Variants in HCN1 observed in about 807,000 individuals in gnomAD.
HCN1 encodes the protein potassium/sodium hyperpolarization-activated cyclic nucleotide-gated channel 1.
In HCN1, 13 loss-of-function variants were observed where a neutral mutation model predicts 78.9. That is an observed-to-expected ratio of 0.16 (90% CI 0.11 to 0.26). The LOEUF is 0.26. Ranked by LOEUF, HCN1 falls within the 10% of genes least tolerant of loss-of-function variation. The pLI is 1.00. For synonymous variants in HCN1, 552 were observed against 455.5 expected, an observed-to-expected ratio of 1.21 and a Z score of -2.70; for missense variants, 810 against 1,154.3, an observed-to-expected ratio of 0.70 and a Z score of 4.32.
At chr5:45,338,836 T>A (rs1198534935) in intron 5 of HCN1, among the ~76,000 whole-genome samples, 1 of 152,168 alleles carries the variant, frequency 6.6e-6, no homozygotes, top group East Asian at 1.9e-4. Flanking sequence ...CAGGTCTGGG[T>A]TTTTAGACTC....
intron 5 of HCN1, among the ~76,000 whole-genome samples, chr5:45,337,930 G>A (rs989487233): frequency 6.6e-6 from 1 of 152,086 alleles, no homozygotes; most frequent in African/African-American, 2.4e-5. Context: ...TGCCACAAAA[G>A]TGAAAATAGG....
At chr5:45,348,858 C>A (rs896691793) in intron 5 of HCN1, among the ~76,000 whole-genome samples, 11 of 152,108 alleles carry the variant, frequency 7.2e-5, no homozygotes, top group African/African-American at 2.7e-4. Flanking sequence ...TACAGGAGCA[C>A]CCAGATTCAT....
intron 5 of HCN1, among the ~76,000 whole-genome samples, chr5:45,319,230 G>T (rs766961586): frequency 1.3e-5 from 2 of 151,794 alleles, no homozygotes; most frequent in Non-Finnish European, 2.9e-5. Context: ...GGAATTTCTG[G>T]GTAATAGAAT....
chr5:45,679,466 T>C (rs1171995265), intron 1 of HCN1, among the ~76,000 whole-genome samples: 1 of 152,016 alleles, frequency 6.6e-6, no homozygotes, highest in African/African-American at 2.4e-5. Context: ...GCTAAATAAA[T>C]GTAAAAATAA....
At chr5:45,547,240 G>T (rs1362836473) in intron 2 of HCN1, among the ~76,000 whole-genome samples, 1 of 151,842 alleles carries the variant, frequency 6.6e-6, no homozygotes, top group African/African-American at 2.4e-5. Flanking sequence ...AAGAAGTAAA[G>T]AAAAGGAGGC....
At chr5:45,337,062 T>C (rs544061421) in intron 5 of HCN1, among the ~76,000 whole-genome samples, 58 of 152,158 alleles carry the variant, frequency 3.8e-4, no homozygotes, top group African/African-American at 1.3e-3. Flanking sequence ...ATTCCATGAA[T>C]GTGATTGGGT....
intron 2 of HCN1, among the ~76,000 whole-genome samples, chr5:45,625,630 A>G (rs1185018476): frequency 6.6e-6 from 1 of 152,140 alleles, no homozygotes; most frequent in East Asian, 1.9e-4. Context: ...TTTAAAAAAA[A>G]GAAAGAAAAC....
intron 2 of HCN1, 118 bp from the exon 3 acceptor site, chr5:45,462,125 G>A (rs1167722128): frequency 1.4e-5 from 11 of 763,668 alleles, no homozygotes; most frequent in Admixed American, 2.5e-5. Flanking sequence ...AAAAATATGG[G>A]AATAACTTGC....
intron 4 of HCN1, among the ~76,000 whole-genome samples, chr5:45,388,160 C>T (rs968629580): frequency 6.6e-6 from 1 of 152,050 alleles, no homozygotes. Context: ...TATGAACTTC[C>T]TAAGAAATTC....
At chr5:45,325,927 C>T (rs1414328148) in intron 5 of HCN1, among the ~76,000 whole-genome samples, 1 of 151,230 alleles carries the variant, frequency 6.6e-6, no homozygotes, top group African/African-American at 2.4e-5. Context: ...TATTAAATTA[C>T]AGGGGTAAAA....
intron 2 of HCN1, among the ~76,000 whole-genome samples, chr5:45,462,648 T>G (rs1290923518): frequency 6.6e-6 from 1 of 152,120 alleles, no homozygotes; most frequent in Non-Finnish European, 1.5e-5. Flanking sequence ...TTTGTATTTT[T>G]ATGGTACAGG....
intron 2 of HCN1, among the ~76,000 whole-genome samples, chr5:45,475,059 A>T (rs1183086401): frequency 6.6e-6 from 1 of 152,016 alleles, no homozygotes. Flanking sequence ...TTTGCTGTCA[A>T]TTCTCATAGA....
intron 2 of HCN1, among the ~76,000 whole-genome samples, chr5:45,489,997 C>A (rs1340267496): frequency 6.6e-6 from 1 of 152,128 alleles, no homozygotes; most frequent in African/African-American, 2.4e-5. Context: ...TCAAATTTTA[C>A]TGGGCATTCT....
At chr5:45,532,532 A>G (rs1742879879) in intron 2 of HCN1, among the ~76,000 whole-genome samples, 1 of 152,230 alleles carries the variant, frequency 6.6e-6, no homozygotes, top group South Asian at 2.1e-4. Context: ...AATTATAATT[A>G]TGGAGCATGG....
rs535061974 is a variant in HCN1, at chr5:45,399,564, C to A, written c.1012-2854G>T. 1.7e-3 allele frequency among the ~76,000 whole-genome samples: 260 copies of A among 152,238 alleles called. 2 individuals carry two copies. Among genetic ancestry groups the A allele is most frequent in the African/African-American group, 6.0e-3 (250 of 41,542 alleles). ...AAATTAACTCTTAAATTATCATAAACTTTTCAAGCTATTTTATTTTGAATA... is the reference window on the plus strand; with the variant it reads ...AAATTAACTCTTAAATTATCATAAAATTTTCAAGCTATTTTATTTTGAATA... On this transcript the variant is annotated intron_variant, in intron 3 of 7. Transcript: ENST00000303230.
chr5:45,280,408 T>C (rs1265770054), intron 6 of HCN1, among the ~76,000 whole-genome samples: 2 of 152,188 alleles, frequency 1.3e-5, no homozygotes, highest in African/African-American at 4.8e-5. Context: ...TGTTCCAATA[T>C]ATAAAACTGA....
intron 3 of HCN1, among the ~76,000 whole-genome samples, chr5:45,417,680 T>A (rs182019039): frequency 3.6e-4 from 51 of 141,852 alleles, no homozygotes; most frequent in Non-Finnish European, 3.6e-4. Flanking sequence ...ATGATCAATT[T>A]AATTTAGCCA....
At chr5:45,484,774 T>C (rs950408523) in intron 2 of HCN1, among the ~76,000 whole-genome samples, 4 of 152,172 alleles carry the variant, frequency 2.6e-5, no homozygotes, top group Admixed American at 1.3e-4. Context: ...ATACTTTTAT[T>C]AAGTTATTAA....
At chr5:45,426,025 T>C (rs1011226452) in intron 3 of HCN1, among the ~76,000 whole-genome samples, 45 of 152,170 alleles carry the variant, frequency 3.0e-4, no homozygotes, top group Non-Finnish European at 3.1e-4. Context: ...GTACTAGGTA[T>C]ATATGTTCCT....
Sources: allele counts gnomAD v4.1 joint callset (sites outside exome capture counted in the v4.1 genomes callset), GRCh38; gene constraint gnomAD v4.1.1; transcripts MANE v1.5; gene names NCBI Gene and HGNC (gene_info 2026-07-23, HGNC 2026-07-21).